DEPDC4: variants seen among roughly 807,000 people sequenced by gnomAD.
DEPDC4 encodes DEP domain-containing protein 4.
In DEPDC4, 52 loss-of-function variants were observed where a neutral mutation model predicts 52.0. The observed-to-expected ratio is 1.00, with a 90% CI of 0.80 to 1.26. The LOEUF (loss-of-function observed/expected upper bound fraction) is 1.26. DEPDC4 is among the 50% of genes most tolerant of loss of function. The pLI is 0.00. For synonymous variants in DEPDC4, 201 were observed against 196.8 expected (o/e 1.02, Z -0.18); for missense variants, 530 against 546.9 (o/e 0.97, Z 0.31).
chr12:100,267,090 C>T, upstream of DEPDC4: 2 of 1,611,212 alleles, frequency 1.2e-6, no homozygotes, highest in Non-Finnish European at 1.7e-6. Context: ...CCCGCCCCAC[C>T]TGACACCCGG....
At chr12:100,275,865 T>C in the DEPDC4 span, among the ~76,000 whole-genome samples, 1 of 152,236 alleles carries the variant, frequency 6.6e-6, no homozygotes, top group South Asian at 2.1e-4. Context: ...GTTCTTAGTT[T>C]CCTAAGAGTT....
the DEPDC4 span, among the ~76,000 whole-genome samples, chr12:100,279,454 C>T: frequency 6.6e-6 from 1 of 152,224 alleles, no homozygotes; most frequent in Non-Finnish European, 1.5e-5. Flanking sequence ...TTGTATAAGT[C>T]ACATCGTCTT....
At chr12:100,245,785 A>C (rs1318991640) in intron 8 of DEPDC4, among the ~76,000 whole-genome samples, 1 of 152,046 alleles carries the variant, frequency 6.6e-6, no homozygotes, top group Non-Finnish European at 1.5e-5. Flanking sequence ...TCTTTATCTA[A>C]AATACAAATC....
chr12:100,258,416 A>G (rs538364707), intron 3 of DEPDC4, among the ~76,000 whole-genome samples: 1 of 152,174 alleles, frequency 6.6e-6, no homozygotes, highest in Non-Finnish European at 1.5e-5. Flanking sequence ...AGTTAGGGAG[A>G]AATGGGGAAA....
In DEPDC4 at chr12:100,241,107, A is replaced by G. The variant is rs1566307784; in HGVS notation, c.*785T>C. ...ACTTTATGCATCTTTCCCTATTTCA[A>G]TGATTCACAGTTATTTAAGTTACAG... On this transcript the variant is annotated 3_prime_UTR_variant, in exon 10 of 10. Transcript: ENST00000550587. Among the ~76,000 whole-genome samples, 1 of 152,252 alleles carries G rather than the reference A, an allele frequency of 6.6e-6. No homozygotes were observed. The highest frequency in any genetic ancestry group is 2.1e-4 in the South Asian group (1 of 4,828).
chr12:100,236,975 C>T (rs960584539), downstream of DEPDC4, among the ~76,000 whole-genome samples: 6 of 152,030 alleles, frequency 3.9e-5, no homozygotes, highest in African/African-American at 7.2e-5. Context: ...TTTGCTTTGT[C>T]GAAGATCAGT....
At chr12:100,238,181 CTT>C (rs752302093), downstream of DEPDC4, 795 of 294,942 alleles carry the variant, frequency 2.7e-3, no homozygotes, top group Middle Eastern at 7.2e-3. Context: ...AATTGGGTTG[CTT>C]TTTTTTTTTT....
chr12:100,252,215 C>G lies in DEPDC4; in HGVS notation c.1335G>C (p.Leu445=). 1.5e-6 allele frequency: 2 copies of G among 1,294,912 alleles called. No homozygotes were observed. Among genetic ancestry groups the G allele is most frequent in the Non-Finnish European group, 9.9e-7 (1 of 1,012,798 alleles). 80.2% of individuals were successfully genotyped at this position (1,294,912 alleles called of 1,614,324 possible). A position where few individuals can be genotyped will look rare whatever the true frequency, so the allele number is the denominator to read the frequency against. ...AGTGGTACTCCAGTGGAAACCAGAC[C>G]AGTTGTTCTGCCCGCACTTTTAATA... ...KSLLKVRAEQ[L]VWFPLEYHSE... The change falls in exon 7 of 10, where the codon CTG becomes CTC. Residue 445 remains leucine (L), a synonymous_variant. Transcript: ENST00000550587.
intron 9 of DEPDC4, among the ~76,000 whole-genome samples, chr12:100,233,350 T>C (rs188434166): frequency 3.2e-4 from 48 of 152,342 alleles, no homozygotes; most frequent in Non-Finnish European, 2.4e-4. Flanking sequence ...CCAGTCCCTT[T>C]AAACATTCTC....
At chr12:100,281,025 T>TTG in the DEPDC4 span, among the ~76,000 whole-genome samples, 8,177 of 109,824 alleles carry the variant, frequency 0.074, 719 homozygotes, top group Non-Finnish European at 0.096. Flanking sequence ...CAGTGTTTTT[T>TTG]TTTTTTTTTT....
intron 9 of DEPDC4, among the ~76,000 whole-genome samples, chr12:100,232,947 G>T (rs1348561352): frequency 6.6e-6 from 1 of 152,042 alleles, no homozygotes; most frequent in South Asian, 2.1e-4. Flanking sequence ...CGGGTGAGAG[G>T]ATAGCACTTA....
intron 8 of DEPDC4, among the ~76,000 whole-genome samples, chr12:100,246,118 C>A (rs1348613065): frequency 7.1e-6 from 1 of 141,370 alleles, no homozygotes; most frequent in African/African-American, 2.8e-5. Context: ...TGCCACTACG[C>A]CTGGGTTTTT....
At chr12:100,262,533 C>T (rs553852127) in intron 2 of DEPDC4, 124 bp from the exon 3 acceptor site, 2 of 679,466 alleles carry the variant, frequency 2.9e-6, no homozygotes, top group African/African-American at 3.8e-5. Flanking sequence ...TTTCAGGCAG[C>T]TTATAATAAA....
the DEPDC4 span, among the ~76,000 whole-genome samples, chr12:100,272,815 G>A: frequency 0.025 from 3,768 of 151,972 alleles, 153 homozygotes; most frequent in African/African-American, 0.086. Flanking sequence ...ATTCAGCAAC[G>A]CTTCTCCCTT....
intron 3 of DEPDC4, among the ~76,000 whole-genome samples, chr12:100,258,292 C>T (rs959539801): frequency 1.1e-4 from 16 of 151,462 alleles, no homozygotes; most frequent in African/African-American, 3.4e-4. Flanking sequence ...GTAGGTAAAA[C>T]AAAAAAATCC....
Position 100,256,096 on chromosome 12 carries a change from A to T in DEPDC4, c.831T>A (p.Thr277=). Residue 277 remains threonine (T), a synonymous_variant, in exon 4 of 10, where the codon ACT becomes ACA. Transcript: ENST00000550587. ...QLNKEEDLVI[T]NTCLDRELIP... ...TAAGTTCTCTGTCTAGGCAAGTGTT[A>T]GTGATAACAAGATCTTCCTCTTTGT... 6.2e-7 allele frequency: 1 copy of T among 1,613,086 alleles called. No homozygotes were observed.
chr12:100,263,711 C>T lies in DEPDC4; in HGVS notation c.340G>A (p.Asp114Asn), dbSNP rs1346390030. Residue 114 changes from aspartate (D) to asparagine (N), a missense_variant, in exon 2 of 10, where the codon GAC (aspartate) becomes AAC (asparagine). Transcript: ENST00000550587. ...TGAACCCCTTTAAGACAAGAGATGTCATTGCTACTTAGGCACGTGTTTTGC... is the reference window on the plus strand; with the variant it reads ...TGAACCCCTTTAAGACAAGAGATGTTATTGCTACTTAGGCACGTGTTTTGC... ...LMQNTCLSSN[D>N]ISCLKGVHLC... The T allele has an allele frequency of 6.2e-7, 1 of 1,614,106 alleles. No homozygotes were observed. Among genetic ancestry groups the T allele is most frequent in the Non-Finnish European group, 8.5e-7 (1 of 1,180,022 alleles).
At position 100,240,434 on chromosome 12, in the gene DEPDC4, C is replaced by T. The variant is rs142732227; in HGVS notation, c.*1458G>A. 0.018 allele frequency among the ~76,000 whole-genome samples: 2,752 copies of T among 152,204 alleles called. 74 individuals are homozygous for T. The highest frequency in any genetic ancestry group is 0.061 in the African/African-American group (2,543 of 41,512). On this transcript the variant is annotated 3_prime_UTR_variant, in exon 10 of 10. Coordinates refer to ENST00000550587, the MANE Select transcript of DEPDC4 (RefSeq NM_001364818.2). ...CCTCTCCCTGGCCTCCCAAAAGTGC[C>T]GGGACTACAGGCATGGGCCACCAAG...
chr12:100,236,520 C>T (rs1592860180), downstream of DEPDC4, among the ~76,000 whole-genome samples: 7 of 152,144 alleles, frequency 4.6e-5, 1 homozygote, highest in Admixed American at 4.6e-4. Context: ...ATGTCCTTAG[C>T]CCACTTTTTG....
Sources: gnomAD v4.1 joint callset for allele counts (sites outside exome capture counted in the v4.1 genomes callset) on GRCh38, gnomAD v4.1.1 for gene constraint, MANE v1.5 for transcripts, NCBI Gene and HGNC (gene_info 2026-07-23, HGNC 2026-07-21) for gene names.